The following MED12L variants were observed in gnomAD, a reference collection of about 807,000 sequenced individuals.
MED12L encodes the protein mediator complex subunit 12L.
Under a neutral mutation model 281.3 loss-of-function variants are expected in MED12L, and 60 were observed. That is an observed-to-expected ratio of 0.21 (90% CI 0.17 to 0.26). The LOEUF is 0.26. Among genes scored for constraint, MED12L ranks in the 10% least tolerant of loss-of-function variants. The pLI is 1.00. For missense variants in MED12L, 2,146 were observed against 2,680.9 expected, an observed-to-expected ratio of 0.80 and a Z score of 4.41; for synonymous variants, 974 against 987.2, an observed-to-expected ratio of 0.99 and a Z score of 0.25.
intron 5 of MED12L, among the ~76,000 whole-genome samples, chr3:151,155,440 TTGC>T (rs1180286221): frequency 6.6e-6 from 1 of 152,190 alleles, no homozygotes; most frequent in Admixed American, 6.5e-5. Context: ...CCACTGTTTG[TTGC>T]TCCCCAACCT....
chr3:151,322,135 G>A (rs1749067896), intron 16 of MED12L, among the ~76,000 whole-genome samples: 1 of 152,120 alleles, frequency 6.6e-6, no homozygotes, highest in Non-Finnish European at 1.5e-5. Flanking sequence ...TATTCTACAT[G>A]TTCATAGAAA....
At chr3:151,416,878 A>G (rs901684849) in intron 43 of MED12L, among the ~76,000 whole-genome samples, 1 of 152,238 alleles carries the variant, frequency 6.6e-6, no homozygotes, top group African/African-American at 2.4e-5. Context: ...AAGAGTTTTC[A>G]TGTAACTCAC....
intron 16 of MED12L, among the ~76,000 whole-genome samples, chr3:151,334,818 T>TA (rs1298296516): frequency 6.6e-6 from 1 of 152,094 alleles, no homozygotes; most frequent in Non-Finnish European, 1.5e-5. Context: ...TTCTTTTTTT[T>TA]ATAGAGCCAG....
intron 16 of MED12L, among the ~76,000 whole-genome samples, chr3:151,310,333 T>G (rs1382176972): frequency 6.6e-6 from 1 of 152,210 alleles, no homozygotes; most frequent in Non-Finnish European, 1.5e-5. Flanking sequence ...ATATTTAAAG[T>G]GAGCCACATG....
chr3:151,373,106 A>G (rs1181629475), intron 27 of MED12L, among the ~76,000 whole-genome samples: 2 of 152,196 alleles, frequency 1.3e-5, no homozygotes, highest in African/African-American at 4.8e-5. Context: ...TAACCAAAAT[A>G]TAGCTATTAA....
At chr3:151,148,410 GGTATATATAATA>G (rs1560094514) in intron 5 of MED12L, among the ~76,000 whole-genome samples, 2 of 152,156 alleles carry the variant, frequency 1.3e-5, no homozygotes, top group African/African-American at 4.8e-5. Context: ...GTTGAGTAAT[GGTATATATAATA>G]GCTGACATGT....
At chr3:151,213,151 GA>G (rs764487043) in intron 16 of MED12L, 39 of 605,870 alleles carry the variant, frequency 6.4e-5, no homozygotes, top group Non-Finnish European at 1.1e-4. Context: ...AAAAAGCATG[GA>G]AACTTATATT....
rs75223227 is a variant in MED12L at position 151,393,216 on chromosome 3, G to A, written c.5609-1440G>A. Among the ~76,000 whole-genome samples, 313 of 152,234 alleles carry A rather than the reference G, an allele frequency of 2.1e-3. 1 individual carries two copies. The highest frequency in any genetic ancestry group is 7.2e-3 in the African/African-American group (298 of 41,548). On this transcript the variant is annotated intron_variant, in intron 38 of 44. Coordinates refer to ENST00000687756, the MANE Select transcript of MED12L (RefSeq NM_001393769.1). ...CTGCTTTTTCCAAAGAGGATTTGGGGGCTTCCGTATTTAAAGGGGAAAGAG... is the reference window on the plus strand; with the variant it reads ...CTGCTTTTTCCAAAGAGGATTTGGGAGCTTCCGTATTTAAAGGGGAAAGAG...
rs189300902 is a variant in MED12L, at chr3:151,380,426, G to A, written c.4590+202G>A. ...AGCCTGGCCAACATGGTGAAACCCC[G>A]TCTGTACTAAAAATACAAAAATTAG... On this transcript the variant is annotated intron_variant, in intron 32 of 44. Coordinates refer to ENST00000687756, the MANE Select transcript of MED12L (RefSeq NM_001393769.1). Among the ~76,000 whole-genome samples, 202 of 152,034 alleles carry A rather than the reference G, an allele frequency of 1.3e-3. 1 individual carries two copies. The highest frequency in any genetic ancestry group is 2.1e-3 in the Non-Finnish European group (145 of 67,976).
intron 16 of MED12L, among the ~76,000 whole-genome samples, chr3:151,271,611 T>C (rs1577195683): frequency 6.6e-6 from 1 of 152,320 alleles, no homozygotes; most frequent in South Asian, 2.1e-4. Context: ...CAAATGCTCA[T>C]CAACAGATTA....
chr3:151,404,701 G>T (rs1716083882), intron 39 of MED12L, among the ~76,000 whole-genome samples: 2 of 152,108 alleles, frequency 1.3e-5, no homozygotes, highest in African/African-American at 4.8e-5. Flanking sequence ...ACAAAATCTG[G>T]CTGTGGTTTT....
At chr3:151,148,997 T>C (rs947162930) in intron 5 of MED12L, among the ~76,000 whole-genome samples, 5 of 152,168 alleles carry the variant, frequency 3.3e-5, no homozygotes, top group African/African-American at 9.7e-5. Flanking sequence ...TTTGAAACCT[T>C]TTAGGTGTGC....
rs1719978486 is a variant in MED12L at position 151,435,082 on chromosome 3, T to TC, written c.*2279dup. 1.2e-5 allele frequency: 1 copy of TC among 81,484 alleles called. No homozygotes were observed. Among genetic ancestry groups the TC allele is most frequent in the Admixed American group, 1.1e-4 (1 of 8,842 alleles). 5.0% of individuals were successfully genotyped at this position (81,484 alleles called of 1,614,324 possible). A position where few individuals can be genotyped will look rare whatever the true frequency, so the allele number is the denominator to read the frequency against. ...GGTTTCTTTTTTTTTTTTTTTTTTT[T>TC]CTTTTCTTGCAAATGCATTCTTTTG... On this transcript the variant is annotated 3_prime_UTR_variant, in exon 45 of 45. Coordinates refer to ENST00000687756, the MANE Select transcript of MED12L (RefSeq NM_001393769.1).
intron 3 of MED12L, among the ~76,000 whole-genome samples, chr3:151,118,495 A>G (rs930294659): frequency 3.3e-5 from 5 of 152,210 alleles, no homozygotes; most frequent in African/African-American, 1.2e-4. Flanking sequence ...AACCGCAATT[A>G]TGTATATGTA....
At chr3:151,265,042 C>T (rs1739574138) in intron 16 of MED12L, among the ~76,000 whole-genome samples, 2 of 152,170 alleles carry the variant, frequency 1.3e-5, no homozygotes, top group South Asian at 4.1e-4. Context: ...ATGATTTCTT[C>T]CTCTCACCCT....
chr3:151,291,342 A>G (rs922810091), intron 16 of MED12L, among the ~76,000 whole-genome samples: 1 of 152,160 alleles, frequency 6.6e-6, no homozygotes, highest in African/African-American at 2.4e-5. Flanking sequence ...GTTGAGAAAC[A>G]AAATACTATT....
At chr3:151,214,192 A>C in intron 16 of MED12L, 1 of 1,614,000 alleles carries the variant, frequency 6.2e-7, no homozygotes, top group South Asian at 1.1e-5. Context: ...CCATCCTGAC[A>C]CTCCATTGAG....
chr3:151,357,605 C>T (rs1197870185), intron 20 of MED12L, among the ~76,000 whole-genome samples: 2 of 152,098 alleles, frequency 1.3e-5, no homozygotes, highest in Non-Finnish European at 2.9e-5. Context: ...CCTTTCTTCC[C>T]TCTCCCTGGT....
chr3:151,127,296 GTC>G (rs1714681310), intron 4 of MED12L, among the ~76,000 whole-genome samples: 1 of 152,132 alleles, frequency 6.6e-6, no homozygotes, highest in Non-Finnish European at 1.5e-5. Flanking sequence ...CATCATTGTA[GTC>G]TCTCTTTTAA....
Sources: gnomAD v4.1 joint callset for allele counts (sites outside exome capture counted in the v4.1 genomes callset) on GRCh38, gnomAD v4.1.1 for gene constraint, MANE v1.5 for transcripts, NCBI Gene and HGNC (gene_info 2026-07-23, HGNC 2026-07-21) for gene names.